RIMS4: variants seen among roughly 807,000 people sequenced by gnomAD.
The protein encoded by RIMS4 is regulating synaptic membrane exocytosis protein 4.
In RIMS4, 9 loss-of-function variants were observed where a neutral mutation model predicts 29.0. That is an observed-to-expected ratio of 0.31 (90% CI 0.19 to 0.54). The LOEUF (loss-of-function observed/expected upper bound fraction) is 0.54. RIMS4 is among the 20% of genes least tolerant of loss of function. The probability of loss-of-function intolerance (pLI) is 0.94; values close to 1 mark genes in which losing one functional copy is unlikely to be tolerated. For missense variants in RIMS4, 193 were observed against 365.7 expected (o/e 0.53, Z 3.85); for synonymous variants, 130 against 152.9 (o/e 0.85, Z 1.10).
chr20:44,807,775 T>C (rs1012293714), intron 1 of RIMS4, among the ~76,000 whole-genome samples: 2 of 152,190 alleles, frequency 1.3e-5, no homozygotes, highest in African/African-American at 4.8e-5. Flanking sequence ...TACTTCTGAC[T>C]TTCACCAGAC....
rs2066060545 is a variant in RIMS4 at position 44,756,437 on chromosome 20, A to G, written c.592-85T>C. On this transcript the variant is annotated intron_variant, in intron 5 of 5. Coordinates refer to ENST00000372851, the MANE Select transcript of RIMS4 (RefSeq NM_182970.4). The surrounding 1 kb of genome is among the most constrained non-coding windows in gnomAD (Gnocchi z 5.9). ...CAGAACCTGGGTCGCCCCATGCCCA[A>G]TCCAGCTCAGTCCTGTGATTTCTAC... 2 of 1,105,752 alleles carry G rather than the reference A, an allele frequency of 1.8e-6. No individual in the cohort carries two copies. Among genetic ancestry groups the G allele is most frequent in the Non-Finnish European group, 1.3e-6 (1 of 752,792 alleles). 68.5% of individuals were successfully genotyped at this position (1,105,752 alleles called of 1,614,324 possible). A position where few individuals can be genotyped will look rare whatever the true frequency, so the allele number is the denominator to read the frequency against.
intron 1 of RIMS4, among the ~76,000 whole-genome samples, chr20:44,777,464 T>C (rs1002462585): frequency 2.0e-5 from 3 of 152,204 alleles, no homozygotes; most frequent in Admixed American, 6.5e-5. Flanking sequence ...TATATACACA[T>C]ATATAATTTA....
At chr20:44,763,025 G>A (rs751716794) in intron 2 of RIMS4, among the ~76,000 whole-genome samples, 7 of 152,138 alleles carry the variant, frequency 4.6e-5, no homozygotes, top group South Asian at 4.1e-4. Flanking sequence ...TTCTGCTTAC[G>A]GCATCCATGA....
rs777493239 is a variant in RIMS4, at chr20:44,757,787, A to T, written c.350-16T>A. Reference sequence around the variant, plus strand: ...TCCACATCCCCTGGAAGAGGCACCAAGAGATGAGACTGGGAAATGGTTCAG... The same window carrying T: ...TCCACATCCCCTGGAAGAGGCACCATGAGATGAGACTGGGAAATGGTTCAG... On this transcript the variant is annotated splice_polypyrimidine_tract_variant and intron_variant, in intron 3 of 5. Coordinates refer to ENST00000372851, the MANE Select transcript of RIMS4 (RefSeq NM_182970.4). The T allele has an allele frequency of 6.2e-7, 1 of 1,602,988 alleles. No homozygotes were observed. Among genetic ancestry groups the T allele is most frequent in the Non-Finnish European group, 8.5e-7 (1 of 1,170,280 alleles).
intron 1 of RIMS4, among the ~76,000 whole-genome samples, chr20:44,805,521 G>A (rs897620463): frequency 3.9e-5 from 6 of 152,080 alleles, no homozygotes; most frequent in Non-Finnish European, 8.8e-5. Context: ...CCTGGAGGGT[G>A]AGGGTGGGAG....
chr20:44,775,400 T>C (rs1463332139), intron 1 of RIMS4, among the ~76,000 whole-genome samples: 1 of 152,144 alleles, frequency 6.6e-6, no homozygotes, highest in Non-Finnish European at 1.5e-5. Flanking sequence ...TGTCTTTCTT[T>C]GGGCTACTGA....
intron 2 of RIMS4, among the ~76,000 whole-genome samples, chr20:44,763,785 C>T (rs761717504): frequency 2.0e-5 from 3 of 152,200 alleles, no homozygotes; most frequent in Non-Finnish European, 2.9e-5. Context: ...AACTGGCTCA[C>T]GCAGGGGTTT....
intron 1 of RIMS4, among the ~76,000 whole-genome samples, chr20:44,774,683 G>A (rs954872986): frequency 6.6e-6 from 1 of 152,034 alleles, no homozygotes; most frequent in Non-Finnish European, 1.5e-5. Context: ...TATTAGTTCT[G>A]TCCTTCCAGA....
rs992463199 is a variant in RIMS4 at position 44,755,996 on chromosome 20, G to A, written c.*138C>T. On this transcript the variant is annotated 3_prime_UTR_variant, in exon 6 of 6. Coordinates refer to ENST00000372851, the MANE Select transcript of RIMS4 (RefSeq NM_182970.4). Reference sequence around the variant, plus strand: ...AAGGGGTGAGGAGGGGCCCAAGGGGGGGCAGGTCTCCCCGTTCTGCTTCCC... The same window carrying A: ...AAGGGGTGAGGAGGGGCCCAAGGGGAGGCAGGTCTCCCCGTTCTGCTTCCC... The A allele has an allele frequency of 1.6e-5, 11 of 702,218 alleles. No homozygotes were observed. In the African/African-American group the frequency reaches 1.8e-4, roughly 11 times the overall value. The allele number at this position is 702,218 out of a possible 1,614,324, so 43.5% of individuals were successfully genotyped here.
chr20:44,780,031 C>T (rs2066176989), intron 1 of RIMS4, among the ~76,000 whole-genome samples: 1 of 152,252 alleles, frequency 6.6e-6, no homozygotes, highest in East Asian at 1.9e-4. Context: ...GCACCCAGAA[C>T]AGGACAGGAA....
chr20:44,758,018 T>A lies in RIMS4; in HGVS notation c.349+54A>T, dbSNP rs117734770. On this transcript the variant is annotated intron_variant, in intron 3 of 5. Coordinates refer to ENST00000372851, the MANE Select transcript of RIMS4 (RefSeq NM_182970.4). ...GAAGGAGGGAGAGACGCTGAGCTTC[T>A]GGTGTGACACCCAACTCCCCTAGTC... 1,348 of 1,310,620 alleles carry A rather than the reference T, an allele frequency of 1.0e-3. 21 individuals are homozygous for A. In the East Asian group the frequency reaches 0.03, roughly 29 times the overall value. The allele number at this position is 1,310,620 out of a possible 1,614,324, so 81.2% of individuals were successfully genotyped here. A position where few individuals can be genotyped will look rare whatever the true frequency, so the allele number is the denominator to read the frequency against.
intron 1 of RIMS4, among the ~76,000 whole-genome samples, chr20:44,783,621 C>CA (rs748590985): frequency 2.7e-4 from 38 of 143,138 alleles, no homozygotes; most frequent in South Asian, 6.7e-4. Context: ...GACCCTGTCT[C>CA]AAAAAAAACA....
At chr20:44,809,569 G>A (rs948511329) in intron 1 of RIMS4, among the ~76,000 whole-genome samples, 1 of 152,184 alleles carries the variant, frequency 6.6e-6, no homozygotes, top group East Asian at 1.9e-4. Flanking sequence ...GAAGAGAGGG[G>A]AGGAAAGGCC....
At chr20:44,809,357 G>A (rs148405033) in intron 1 of RIMS4, among the ~76,000 whole-genome samples, 1 of 152,222 alleles carries the variant, frequency 6.6e-6, no homozygotes, top group Non-Finnish European at 1.5e-5. Flanking sequence ...GCCCTAAAGA[G>A]TAGGTTTCCC....
In RIMS4 at chr20:44,760,395, A is replaced by G. The variant is rs554054803; in HGVS notation, c.237-2211T>C. Reference sequence around the variant, plus strand: ...GGGAGATCTCTGAGGCTCTCTGTACATCCCTCCATACCCTAGAGAGGAACA... The same window carrying G: ...GGGAGATCTCTGAGGCTCTCTGTACGTCCCTCCATACCCTAGAGAGGAACA... On this transcript the variant is annotated intron_variant, in intron 2 of 5. Coordinates refer to ENST00000372851, the MANE Select transcript of RIMS4 (RefSeq NM_182970.4). Among the ~76,000 whole-genome samples the G allele has an allele frequency of 2.2e-4, 33 of 152,330 alleles. No homozygotes were observed. In the South Asian group the frequency reaches 6.8e-3, roughly 32 times the overall value.
At chr20:44,759,570 C>G (rs1040186167) in intron 2 of RIMS4, among the ~76,000 whole-genome samples, 1 of 152,194 alleles carries the variant, frequency 6.6e-6, no homozygotes, top group African/African-American at 2.4e-5. Flanking sequence ...AAGAGGTTGG[C>G]TTTTGATCTT....
At chr20:44,780,754 G>A (rs1311953662) in intron 1 of RIMS4, among the ~76,000 whole-genome samples, 2 of 151,670 alleles carry the variant, frequency 1.3e-5, no homozygotes, top group South Asian at 2.1e-4. Flanking sequence ...TGCCCTTTAC[G>A]CTGCTCTACA....
intron 1 of RIMS4, among the ~76,000 whole-genome samples, chr20:44,804,854 A>G (rs1293287998): frequency 6.6e-6 from 1 of 152,114 alleles, no homozygotes; most frequent in Non-Finnish European, 1.5e-5. Context: ...GGGGATGGGG[A>G]AGGGGGTGCC....
intron 1 of RIMS4, among the ~76,000 whole-genome samples, chr20:44,772,561 G>A (rs530699200): frequency 3.8e-4 from 58 of 152,200 alleles, no homozygotes; most frequent in Non-Finnish European, 7.8e-4. Context: ...GTCAGGACTT[G>A]TCCACGCCCA....
Sources: allele counts gnomAD v4.1 joint callset (sites outside exome capture counted in the v4.1 genomes callset), GRCh38; gene constraint gnomAD v4.1.1; non-coding constraint Gnocchi (gnomAD v3.1); transcripts MANE v1.5; gene names NCBI Gene and HGNC (gene_info 2026-07-23, HGNC 2026-07-21).